The following RNF216 variants were observed in gnomAD, a reference collection of about 807,000 sequenced individuals.
RNF216 encodes the protein ring finger protein 216.
Under a neutral mutation model 110.8 loss-of-function variants are expected in RNF216, and 72 were observed. The ratio of observed to expected loss-of-function variants is 0.65; its 90% CI spans 0.54 to 0.79. The LOEUF is 0.79. Ranked by LOEUF, RNF216 falls within the 30% of genes least tolerant of loss-of-function variation. The pLI is 0.00. For missense variants in RNF216, 1,342 were observed against 1,141.2 expected, an observed-to-expected ratio of 1.18 and a Z score of -2.54; for synonymous variants, 495 against 407.5, an observed-to-expected ratio of 1.21 and a Z score of -2.59.
chr7:5,666,001 T>C (rs1266796121), intron 13 of RNF216, among the ~76,000 whole-genome samples: 1 of 151,890 alleles, frequency 6.6e-6, no homozygotes, highest in African/African-American at 2.4e-5. Flanking sequence ...CCGTTTCTAC[T>C]AAAAATACAA....
At chr7:5,740,906 GA>G (rs139686645) in intron 4 of RNF216, 66 bp downstream of exon 4, 136,124 of 1,015,432 alleles carry the variant, frequency 0.13, 744 homozygotes, top group South Asian at 0.15. Flanking sequence ...TTTTTGCAAT[GA>G]AAAAAAAAAA....
intron 1 of RNF216, among the ~76,000 whole-genome samples, chr7:5,776,952 G>A (rs28706472): frequency 7.7e-5 from 4 of 51,862 alleles, no homozygotes; most frequent in African/African-American, 1.3e-4. Flanking sequence ...GAGAAAAAAA[G>A]AAAGAAAGAA....
intron 3 of RNF216, among the ~76,000 whole-genome samples, chr7:5,748,789 G>C (rs1044960593): frequency 6.6e-6 from 1 of 152,114 alleles, no homozygotes; most frequent in African/African-American, 2.4e-5. Context: ...TTAAGTTTTT[G>C]GGGAGTCAAA....
chr7:5,766,275 G>C (rs937875112), intron 1 of RNF216, among the ~76,000 whole-genome samples: 3 of 152,186 alleles, frequency 2.0e-5, no homozygotes, highest in Non-Finnish European at 4.4e-5. Context: ...GGGTGACAGA[G>C]TGAGACACTG....
At chr7:5,757,811 T>C (rs1795724796) in intron 2 of RNF216, among the ~76,000 whole-genome samples, 1 of 152,172 alleles carries the variant, frequency 6.6e-6, no homozygotes. Context: ...GGTGGTATAT[T>C]CATTTTATAC....
intron 2 of RNF216, 51 bp from the exon 3 acceptor site, chr7:5,753,030 C>T (rs1395496301): frequency 1.9e-6 from 3 of 1,563,236 alleles, no homozygotes; most frequent in Admixed American, 1.9e-5. Context: ...CTATCACATC[C>T]AACTCTTTAA....
chr7:5,625,632 G>A (rs1786662241), intron 15 of RNF216, among the ~76,000 whole-genome samples: 1 of 152,222 alleles, frequency 6.6e-6, no homozygotes, highest in Non-Finnish European at 1.5e-5. Flanking sequence ...TGAACCGCAA[G>A]GATTCTGGAG....
rs1786399220 is a variant in RNF216 at position 5,622,046 on chromosome 7, G to A, written c.*814C>T. 1.3e-5 allele frequency: 2 copies of A among 152,346 alleles called. No individual in the cohort carries two copies. The highest frequency in any genetic ancestry group is 2.4e-5 in the African/African-American group (1 of 41,438). 9.4% of individuals were successfully genotyped at this position (152,346 alleles called of 1,614,324 possible). A position where few individuals can be genotyped will look rare whatever the true frequency, so the allele number is the denominator to read the frequency against. On this transcript the variant is annotated 3_prime_UTR_variant, in exon 17 of 17. Coordinates refer to ENST00000389902, the MANE Select transcript of RNF216 (RefSeq NM_207111.4). ...GGAAAAGCTGCTCATCACCCAGGGT[G>A]GCAGAAACGTCTCCCCCAGCAGTTG...
At chr7:5,737,893 G>C (rs1794519270) in intron 5 of RNF216, among the ~76,000 whole-genome samples, 1 of 151,978 alleles carries the variant, frequency 6.6e-6, no homozygotes, top group African/African-American at 2.4e-5. Flanking sequence ...TTCAAGACCA[G>C]CCTGACCAAC....
intron 13 of RNF216, among the ~76,000 whole-genome samples, chr7:5,697,491 G>C (rs1791702422): frequency 6.6e-6 from 1 of 152,224 alleles, no homozygotes; most frequent in South Asian, 2.1e-4. Context: ...GGCAAGGTGA[G>C]GGGCCAAACC....
At chr7:5,644,765 C>CA (rs1412269563) in intron 14 of RNF216, among the ~76,000 whole-genome samples, 2 of 151,930 alleles carry the variant, frequency 1.3e-5, no homozygotes, top group Admixed American at 6.6e-5. Flanking sequence ...CTTGGCCTCT[C>CA]AAAGTGTTGG....
At chr7:5,735,002 C>T (rs1465535795) in intron 5 of RNF216, among the ~76,000 whole-genome samples, 1 of 151,712 alleles carries the variant, frequency 6.6e-6, no homozygotes, top group Non-Finnish European at 1.5e-5. Flanking sequence ...AATACAAAAA[C>T]TAGCTGGGCG....
intron 13 of RNF216, among the ~76,000 whole-genome samples, chr7:5,706,728 G>A (rs74780509): frequency 1.3e-5 from 2 of 152,244 alleles, no homozygotes; most frequent in African/African-American, 2.4e-5. Context: ...CCTTTCCACC[G>A]GCTGCCTTTT....
chr7:5,684,801 T>C (rs1377782470), intron 13 of RNF216, among the ~76,000 whole-genome samples: 1 of 151,950 alleles, frequency 6.6e-6, no homozygotes, highest in Non-Finnish European at 1.5e-5. Context: ...AGTTCTTTCC[T>C]CTAGTAAACC....
In RNF216 at chr7:5,624,802, T is replaced by TGTGG. The variant is rs1350887768; in HGVS notation, c.2383-681_2383-678dup. Among the ~76,000 whole-genome samples, 1 of 152,234 alleles carries TGTGG rather than the reference T, an allele frequency of 6.6e-6. No individual in the cohort carries two copies. The highest frequency in any genetic ancestry group is 1.5e-5 in the Non-Finnish European group (1 of 68,038). ...AAGAGGCACTGTGAGTGCAGGCAGA[T>TGTGG]GTGGGAGCTGTGCTGGGAAACTCAG... On this transcript the variant is annotated intron_variant, in intron 15 of 16. Coordinates refer to ENST00000389902, the MANE Select transcript of RNF216 (RefSeq NM_207111.4). The surrounding 1 kb of genome is among the most constrained non-coding windows in gnomAD (Gnocchi z 4.4).
Position 5,762,016 on chromosome 7 carries a change from A to G in RNF216, c.-69-878T>C, listed in dbSNP as rs561565943. 1.1e-4 allele frequency among the ~76,000 whole-genome samples: 17 copies of G among 152,324 alleles called. 1 individual carries two copies. In the South Asian group the frequency reaches 3.5e-3, roughly 32 times the overall value. On this transcript the variant is annotated intron_variant, in intron 1 of 16. Coordinates refer to ENST00000389902, the MANE Select transcript of RNF216 (RefSeq NM_207111.4). ...GAAACCTCTGTGTGTTCTCCAAGAAATACGCATAATAGAATATACGGACAG... is the reference window on the plus strand; with the variant it reads ...GAAACCTCTGTGTGTTCTCCAAGAAGTACGCATAATAGAATATACGGACAG...
intron 8 of RNF216, among the ~76,000 whole-genome samples, chr7:5,724,006 A>G (rs1049623680): frequency 6.6e-6 from 1 of 152,260 alleles, no homozygotes; most frequent in African/African-American, 2.4e-5. Flanking sequence ...CACCTAAATT[A>G]AAGTGCTATA....
intron 3 of RNF216, among the ~76,000 whole-genome samples, chr7:5,751,856 A>G (rs866994255): frequency 2.6e-3 from 279 of 108,452 alleles, no homozygotes; most frequent in Middle Eastern, 0.016. Flanking sequence ...AAAAAAAAAA[A>G]GCAACAGATT....
intron 15 of RNF216, among the ~76,000 whole-genome samples, chr7:5,630,535 T>C (rs796818109): frequency 6.6e-6 from 1 of 152,126 alleles, no homozygotes; most frequent in Non-Finnish European, 1.5e-5. Flanking sequence ...TGTATCACCA[T>C]GCCCAGCTAA....
Sources: gnomAD v4.1 joint callset for allele counts (sites outside exome capture counted in the v4.1 genomes callset) on GRCh38, gnomAD v4.1.1 for gene constraint, Gnocchi (gnomAD v3.1) non-coding constraint, MANE v1.5 for transcripts, NCBI Gene and HGNC (gene_info 2026-07-23, HGNC 2026-07-21) for gene names.